The following IRAK1BP1 variants were observed in gnomAD, a reference collection of about 807,000 sequenced individuals.
IRAK1BP1 encodes interleukin 1 receptor associated kinase 1 binding protein 1.
In IRAK1BP1, 24 loss-of-function variants were observed where a neutral mutation model predicts 28.0. The observed-to-expected ratio is 0.86, with a 90% CI of 0.62 to 1.20. The LOEUF is 1.20. Among genes scored for constraint, IRAK1BP1 ranks in the 50% most tolerant of loss-of-function variants. The pLI, the probability that IRAK1BP1 is intolerant of heterozygous loss-of-function variation, is 0.00. For missense variants in IRAK1BP1, 336 were observed against 316.7 expected (o/e 1.06, Z -0.46); for synonymous variants, 131 against 116.3 (o/e 1.13, Z -0.81).
At chr6:78,918,896 T>C (rs1299788400) in intron 4 of IRAK1BP1, among the ~76,000 whole-genome samples, 1 of 152,174 alleles carries the variant, frequency 6.6e-6, no homozygotes, top group Non-Finnish European at 1.5e-5. Context: ...AACCACAGAA[T>C]ATAGTTCTTC....
At chr6:78,912,395 G>A (rs1361831387) in intron 4 of IRAK1BP1, among the ~76,000 whole-genome samples, 2 of 152,130 alleles carry the variant, frequency 1.3e-5, no homozygotes, top group Non-Finnish European at 2.9e-5. Context: ...TGCTATATAA[G>A]TACAATAATG....
At chr6:78,912,292 A>G (rs1772448626) in intron 4 of IRAK1BP1, among the ~76,000 whole-genome samples, 1 of 152,172 alleles carries the variant, frequency 6.6e-6, no homozygotes, top group African/African-American at 2.4e-5. Flanking sequence ...GGTTCTGCTG[A>G]CAAAAGAAAG....
chr6:78,963,456 CTAAA>C, the IRAK1BP1 span, among the ~76,000 whole-genome samples: 7 of 152,094 alleles, frequency 4.6e-5, no homozygotes, highest in East Asian at 1.2e-3. Flanking sequence ...AAGTAATTCT[CTAAA>C]TAATTACTTC....
Position 78,897,815 on chromosome 6 carries a change from C to A in IRAK1BP1, c.382-14C>A. 6.2e-7 allele frequency: 1 copy of A among 1,606,024 alleles called. No homozygotes were observed. The highest frequency in any genetic ancestry group is 1.1e-5 in the South Asian group (1 of 90,076). ...ATCAGACATGAAAATAATATCGTGT[C>A]ATTTCATTTACAGGTCTGCATTACA... is the stretch of plus-strand genomic sequence containing the variant. On this transcript the variant is annotated splice_polypyrimidine_tract_variant and intron_variant, in intron 2 of 3. Transcript: ENST00000369940.
At chr6:78,962,416 G>T in the IRAK1BP1 span, among the ~76,000 whole-genome samples, 68,257 of 151,928 alleles carry the variant, frequency 0.45, 15,996 homozygotes, top group East Asian at 0.69. Context: ...ATTTAAGGTA[G>T]TATTTATAAG....
At chr6:78,875,843 A>C (rs996785046) in intron 1 of IRAK1BP1, among the ~76,000 whole-genome samples, 1 of 152,198 alleles carries the variant, frequency 6.6e-6, no homozygotes, top group African/African-American at 2.4e-5. Flanking sequence ...AAACATGCAC[A>C]TGTACCTTCT....
chr6:78,896,817 C>G (rs1216976035), intron 2 of IRAK1BP1, among the ~76,000 whole-genome samples: 1 of 123,978 alleles, frequency 8.1e-6, no homozygotes, highest in Non-Finnish European at 1.8e-5. Context: ...AGAAAGAGAC[C>G]CTGGCTCAAA....
chr6:78,972,804 G>T, the IRAK1BP1 span, among the ~76,000 whole-genome samples: 1 of 152,252 alleles, frequency 6.6e-6, no homozygotes, highest in Admixed American at 6.5e-5. Flanking sequence ...TGAATGAAAT[G>T]AAGCGAGAAG....
exon 5 of IRAK1BP1, chr6:78,945,542 T>A (rs1342979539): frequency 3.4e-6 from 4 of 1,190,820 alleles, no homozygotes; most frequent in African/African-American, 3.1e-5. Flanking sequence ...TTATTGAACC[T>A]AAAGATAAGA....
the IRAK1BP1 span, chr6:78,965,823 TA>T: frequency 8.4e-7 from 1 of 1,183,836 alleles, no homozygotes; most frequent in South Asian, 1.3e-5. Flanking sequence ...ACAATTTTAA[TA>T]AAATCAATTA....
chr6:78,908,482 A>G (rs754289149), intron 4 of IRAK1BP1, among the ~76,000 whole-genome samples: 1 of 152,054 alleles, frequency 6.6e-6, no homozygotes, highest in Non-Finnish European at 1.5e-5. Flanking sequence ...TTGAGTAGCT[A>G]AGACTCAACC....
intron 2 of IRAK1BP1, among the ~76,000 whole-genome samples, chr6:78,892,598 A>T (rs1407679851): frequency 2.0e-5 from 3 of 152,192 alleles, no homozygotes; most frequent in Admixed American, 1.3e-4. Context: ...GCTCATAATA[A>T]GGAGAAAAAT....
chr6:78,948,398 C>T (rs1283320), downstream of IRAK1BP1, among the ~76,000 whole-genome samples: 6 of 152,120 alleles, frequency 3.9e-5, no homozygotes, highest in Middle Eastern at 6.8e-3. Context: ...AAAACACACA[C>T]GTGAAACAGG....
chr6:78,946,805 T>G, downstream of IRAK1BP1: 2 of 1,590,634 alleles, frequency 1.3e-6, no homozygotes, highest in South Asian at 2.3e-5. Context: ...AGAGCAGATT[T>G]ATAATCTGAT....
chr6:78,887,971 TA>T (rs1771491493), intron 2 of IRAK1BP1, among the ~76,000 whole-genome samples: 2 of 151,924 alleles, frequency 1.3e-5, no homozygotes, highest in Admixed American at 1.3e-4. Flanking sequence ...CATTGACAGA[TA>T]AATGGATAAA....
At chr6:78,957,579 T>TGAA in the IRAK1BP1 span, 1 of 131,904 alleles carries the variant, frequency 7.6e-6, no homozygotes, top group Non-Finnish European at 1.6e-5. Context: ...GGATGTTTAT[T>TGAA]AAAAAAAAAA....
Position 78,902,976 on chromosome 6 carries a change from G to A in IRAK1BP1, c.*4642G>A, listed in dbSNP as rs1356442880. 7.8e-7 allele frequency: 1 copy of A among 1,274,288 alleles called. No homozygotes were observed. The highest frequency in any genetic ancestry group is 1.3e-5 in the South Asian group (1 of 78,362). The allele number at this position is 1,274,288 out of a possible 1,614,324, so 78.9% of individuals were successfully genotyped here. ...CTCTTATAAACCTGTTTATCAGAAG[G>A]ATATTTCTGTTTCAGCAACTCCTGG... On this transcript the variant is annotated 3_prime_UTR_variant, in exon 4 of 4. Coordinates refer to ENST00000369940, the MANE Select transcript of IRAK1BP1 (RefSeq NM_001010844.4).
the IRAK1BP1 span, among the ~76,000 whole-genome samples, chr6:78,976,730 C>T: frequency 1.4e-5 from 2 of 146,926 alleles, no homozygotes; most frequent in Admixed American, 6.9e-5. Context: ...TGAACAGACA[C>T]TTCTCAAAAG....
the IRAK1BP1 span, chr6:78,963,179 A>G: frequency 6.2e-7 from 1 of 1,611,398 alleles, no homozygotes; most frequent in Non-Finnish European, 8.5e-7. Context: ...CTCCATCAAG[A>G]GGTTTATAGA....
Sources: gnomAD v4.1 joint callset for allele counts (sites outside exome capture counted in the v4.1 genomes callset) on GRCh38, gnomAD v4.1.1 for gene constraint, MANE v1.5 for transcripts, NCBI Gene and HGNC (gene_info 2026-07-23, HGNC 2026-07-21) for gene names.